Variants in ZDBF2 observed in about 807,000 individuals in gnomAD.
ZDBF2 encodes the protein zinc finger DBF-type containing 2.
In ZDBF2, 6 loss-of-function variants were observed where a neutral mutation model predicts 9.4. The observed-to-expected ratio is 0.64, with a 90% CI of 0.35 to 1.27. ZDBF2 has a LOEUF of 1.27. ZDBF2 is among the 50% of genes most tolerant of loss of function. ZDBF2 has a pLI of 0.03. For missense variants in ZDBF2, 2,697 were observed against 2,766.8 expected (o/e 0.97, Z 0.57); for synonymous variants, 905 against 946.3 (o/e 0.96, Z 0.80).
intron 3 of ZDBF2, among the ~76,000 whole-genome samples, chr2:206,294,797 G>A (rs1692081753): frequency 6.6e-6 from 1 of 152,156 alleles, no homozygotes; most frequent in South Asian, 2.1e-4. Context: ...GCCTCCAGCT[G>A]TATCCATGTT....
In ZDBF2 at chr2:206,305,443, A is replaced by C; in HGVS notation, c.915A>C (p.Lys305Asn). ...CCTTAAGAGTTAAATCTCCTTCCAA[A>C]TTAGCAGTAAACCCGAATAAAACTG... ...KGSLRVKSPS[K>N]LAVNPNKTDM... The change falls in exon 5 of 5, where the codon AAA (lysine) becomes AAC (asparagine). Residue 305 changes from lysine (K) to asparagine (N), a missense_variant. By Grantham distance (94) the Lys-to-Asn change is moderately conservative. This residue lies in a region of ZDBF2 where 910 missense variants were observed against 973.6 expected (regional missense o/e 0.93). Coordinates refer to ENST00000374423, the MANE Select transcript of ZDBF2 (RefSeq NM_020923.3). The C allele has an allele frequency of 6.2e-7, 1 of 1,613,302 alleles. No homozygotes were observed. Among genetic ancestry groups the C allele is most frequent in the Non-Finnish European group, 8.5e-7 (1 of 1,179,720 alleles).
At chr2:206,299,835 C>T (rs1027138998) in intron 4 of ZDBF2, among the ~76,000 whole-genome samples, 1 of 151,328 alleles carries the variant, frequency 6.6e-6, no homozygotes, top group Non-Finnish European at 1.5e-5. Flanking sequence ...AAGCTGGACG[C>T]AGTGGCTCAC....
rs1693292565 is a variant in ZDBF2 at position 206,313,833 on chromosome 2, A to C, written c.*2240A>C. The stretch of plus-strand genomic sequence containing the variant: ...TTTATATTACCAGACATAAAAGTAC[A>C]GTGCAGTACTGATGATTTTGTTTAA... On this transcript the variant is annotated 3_prime_UTR_variant, in exon 5 of 5. Transcript: ENST00000374423. The C allele has an allele frequency of 6.6e-6, 1 of 152,172 alleles. No individual in the cohort carries two copies. Among genetic ancestry groups the C allele is most frequent in the South Asian group, 2.1e-4 (1 of 4,824 alleles). 9.4% of individuals were successfully genotyped at this position (152,172 alleles called of 1,614,324 possible). A position where few individuals can be genotyped will look rare whatever the true frequency, so the allele number is the denominator to read the frequency against.
intron 3 of ZDBF2, 117 bp from the exon 4 acceptor site, chr2:206,297,129 A>C: frequency 1.9e-6 from 1 of 514,050 alleles, no homozygotes; most frequent in Non-Finnish European, 3.4e-6. Context: ...GAATTGCTTT[A>C]TAGAAAAGCT....
chr2:206,276,755 T>G (rs1691027426), intron 1 of ZDBF2, among the ~76,000 whole-genome samples: 1 of 152,218 alleles, frequency 6.6e-6, no homozygotes, highest in Non-Finnish European at 1.5e-5. Flanking sequence ...AGCTGTTTGT[T>G]ATTTAGATGA....
rs936399715 is a variant in ZDBF2, at chr2:206,309,004, A to T, written c.4476A>T (p.Gln1492His). Residue 1492 changes from glutamine to histidine, a missense_variant, in exon 5 of 5, where the codon CAA becomes CAT. By Grantham distance (24) the Gln-to-His change is conservative. This residue lies in a region of ZDBF2 where 1,783 missense variants were observed against 1,776.5 expected (regional missense o/e 1.00). Transcript: ENST00000374423. Reference protein sequence around the residue: ...EHVVMEEKTDQPSDSEMMYDS... With the variant: ...EHVVMEEKTDHPSDSEMMYDS... Reference sequence around the variant, plus strand: ...TTGTCATGGAAGAAAAGACCGATCAACCTAGTGATTCAGAAATGATGTATG... The same window carrying T: ...TTGTCATGGAAGAAAAGACCGATCATCCTAGTGATTCAGAAATGATGTATG... The T allele has an allele frequency of 4.3e-6, 7 of 1,613,888 alleles. No individual in the cohort carries two copies. The highest frequency in any genetic ancestry group is 5.9e-6 in the Non-Finnish European group (7 of 1,179,856).
At position 206,308,327 on chromosome 2, in the gene ZDBF2, T is replaced by G; in HGVS notation, c.3799T>G (p.Trp1267Gly). Residue 1267 changes from tryptophan to glycine, a missense_variant, in exon 5 of 5, where the codon TGG (tryptophan) becomes GGG (glycine). Around this residue, in one of 3 missense-constraint regions of ZDBF2, gnomAD observed 1,783 missense variants for 1,776.5 expected, o/e 1.00. Coordinates refer to ENST00000374423, the MANE Select transcript of ZDBF2 (RefSeq NM_020923.3). ...AGAAGTAGTTAAGGAGGTCAGTCTT[T>G]GGAAAGAGCATGTTGACTTGGAAAA... ...PEEVVKEVSL[W>G]KEHVDLENKI... is the part of the protein sequence containing the mutation. The G allele has an allele frequency of 6.2e-7, 1 of 1,613,580 alleles. No homozygotes were observed. Among genetic ancestry groups the G allele is most frequent in the Non-Finnish European group, 8.5e-7 (1 of 1,179,766 alleles).
chr2:206,288,551 GT>G (rs1161101996), intron 3 of ZDBF2, among the ~76,000 whole-genome samples: 1 of 152,210 alleles, frequency 6.6e-6, no homozygotes, highest in Admixed American at 6.5e-5. Flanking sequence ...CTGTGTTCCG[GT>G]TGCAGGTGCT....
chr2:206,307,985 A>T lies in ZDBF2; in HGVS notation c.3457A>T (p.Ser1153Cys). Residue 1153 changes from serine to cysteine, a missense_variant, in exon 5 of 5, where the codon AGC becomes TGC. This residue lies in a region of ZDBF2 where 1,783 missense variants were observed against 1,776.5 expected (regional missense o/e 1.00). Coordinates refer to ENST00000374423, the MANE Select transcript of ZDBF2 (RefSeq NM_020923.3). Reference sequence around the variant, plus strand: ...CCATATGTACTTGGAAGTTAAGAACAGCCAATATAGTTGTTCAGAAATGAA... The same window carrying T: ...CCATATGTACTTGGAAGTTAAGAACTGCCAATATAGTTGTTCAGAAATGAA... ...ENHMYLEVKNSQYSCSEMNLD... is the reference protein window; with the variant it reads ...ENHMYLEVKNCQYSCSEMNLD... The T allele has an allele frequency of 6.2e-7, 1 of 1,613,784 alleles. No individual in the cohort carries two copies. The highest frequency in any genetic ancestry group is 8.5e-7 in the Non-Finnish European group (1 of 1,179,802).
rs1289226805 is a variant in ZDBF2 at position 206,307,365 on chromosome 2, T to C, written c.2837T>C (p.Met946Thr). The C allele has an allele frequency of 2.5e-6, 4 of 1,613,338 alleles. No individual in the cohort carries two copies. Among genetic ancestry groups the C allele is most frequent in the South Asian group, 1.1e-5 (1 of 90,850 alleles). ...KEISLHTKEH[M>T]YLENKSVFET... is the part of the protein sequence containing the mutation. Reference sequence around the variant, plus strand: ...ATAAGCCTTCACACAAAAGAGCACATGTACTTAGAAAATAAGAGTGTTTTT... The same window carrying C: ...ATAAGCCTTCACACAAAAGAGCACACGTACTTAGAAAATAAGAGTGTTTTT... Residue 946 changes from methionine (M) to threonine (T), a missense_variant, in exon 5 of 5, where the codon ATG becomes ACG. Physicochemically the swap from Met to Thr is moderately conservative, Grantham distance 81 (BLOSUM62 -1). Around this residue, in one of 3 missense-constraint regions of ZDBF2, gnomAD observed 1,783 missense variants for 1,776.5 expected, o/e 1.00. Coordinates refer to ENST00000374423, the MANE Select transcript of ZDBF2 (RefSeq NM_020923.3).
Position 206,297,409 on chromosome 2 carries a change from T to A in ZDBF2, c.188+36T>A, listed in dbSNP as rs1255146355. The A allele has an allele frequency of 2.5e-6, 4 of 1,574,010 alleles. No homozygotes were observed. In the Admixed American group the frequency reaches 7.1e-5, roughly 28 times the overall value. ...TGATTGGAATAATATTTATACGTAGTTATATGTTACAGTAGGTGTTTGTGT... is the reference window on the plus strand; with the variant it reads ...TGATTGGAATAATATTTATACGTAGATATATGTTACAGTAGGTGTTTGTGT... On this transcript the variant is annotated intron_variant, in intron 4 of 4. Transcript: ENST00000374423.
rs745977464 is a variant in ZDBF2 at position 206,305,147 on chromosome 2, T to G, written c.619T>G (p.Leu207Val). ...DRPVTANTTSLPPAAHLDSVS... is the reference protein window; with the variant it reads ...DRPVTANTTSVPPAAHLDSVS... ...ACCAGTTACAGCTAATACAACTAGTTTACCACCAGCAGCTCATTTGGATTC... is the reference window on the plus strand; with the variant it reads ...ACCAGTTACAGCTAATACAACTAGTGTACCACCAGCAGCTCATTTGGATTC... The change falls in exon 5 of 5, where the codon TTA becomes GTA. Residue 207 changes from leucine (L) to valine (V), a missense_variant. Transcript: ENST00000374423. The G allele has an allele frequency of 1.9e-5, 30 of 1,613,800 alleles. No homozygotes were observed. Among genetic ancestry groups the G allele is most frequent in the Non-Finnish European group, 2.5e-5 (30 of 1,179,818 alleles).
Position 206,310,151 on chromosome 2 carries a change from AAG to A in ZDBF2, c.5624_5625del (p.Lys1875SerfsTer5). ...TKKVSSKGKK[K>X]VTWADLQGKE... ...AAAAGTTTCTTCGAAGGGGAAAAAAAAGGTTACCTGGGCTGACTTGCAAGGTA... is the reference window on the plus strand; with the variant it reads ...AAAAGTTTCTTCGAAGGGGAAAAAAAGTTACCTGGGCTGACTTGCAAGGTA... On this transcript the variant is annotated frameshift_variant, in exon 5 of 5. Coordinates refer to ENST00000374423, the MANE Select transcript of ZDBF2 (RefSeq NM_020923.3). LOFTEE classifies it low-confidence loss of function (END_TRUNC). The A allele has an allele frequency of 6.2e-7, 1 of 1,613,390 alleles. No homozygotes were observed.
At position 206,308,205 on chromosome 2, in the gene ZDBF2, A is replaced by T. The variant is rs778761720; in HGVS notation, c.3677A>T (p.Asp1226Val). Residue 1226 changes from aspartate (D) to valine (V), a missense_variant, in exon 5 of 5, where the codon GAT (aspartate) becomes GTT (valine). This residue lies in a region of ZDBF2 where 1,783 missense variants were observed against 1,776.5 expected (regional missense o/e 1.00). Transcript: ENST00000374423. ...GTTAAAGAAATAAGCCTTTGGAAGG[A>T]TGAAGAAGTTGACACGGAAGATAGG... ...ETVKEISLWK[D>V]EEVDTEDRRN... 1.2e-6 allele frequency: 2 copies of T among 1,613,924 alleles called. No individual in the cohort carries two copies. Among genetic ancestry groups the T allele is most frequent in the South Asian group, 1.1e-5 (1 of 91,058 alleles).
Position 206,290,315 on chromosome 2 carries a change from A to G in ZDBF2, c.61-6931A>G, listed in dbSNP as rs1691822286. ...CCTCCAACTTTGTTCCTCTTTTTCA[A>G]GATTGTTTTGGCTATTCTTGGTTCC... On this transcript the variant is annotated intron_variant, in intron 3 of 4. Coordinates refer to ENST00000374423, the MANE Select transcript of ZDBF2 (RefSeq NM_020923.3). Among the ~76,000 whole-genome samples, 3 of 152,138 alleles carry G rather than the reference A, an allele frequency of 2.0e-5. No homozygotes were observed. The South Asian group carries it at 6.2e-4, about 32-fold the overall frequency.
chr2:206,299,165 G>A (rs1692363180), intron 4 of ZDBF2, among the ~76,000 whole-genome samples: 1 of 152,128 alleles, frequency 6.6e-6, no homozygotes, highest in Non-Finnish European at 1.5e-5. Flanking sequence ...ACAGGCGTGA[G>A]CCAACACGCC....
chr2:206,286,320 A>T (rs1691597607), intron 3 of ZDBF2, among the ~76,000 whole-genome samples: 2 of 152,170 alleles, frequency 1.3e-5, no homozygotes, highest in Admixed American at 6.5e-5. Flanking sequence ...CAGCCAGTCT[A>T]ATAGTATTTG....
intron 4 of ZDBF2, among the ~76,000 whole-genome samples, chr2:206,303,535 C>G (rs535977278): frequency 1.2e-4 from 18 of 152,194 alleles, no homozygotes; most frequent in African/African-American, 4.3e-4. Context: ...AACATGTTGT[C>G]TTGATACTGG....
In ZDBF2 at chr2:206,310,597, A is replaced by G. The variant is rs377505356; in HGVS notation, c.6069A>G (p.Glu2023=). 6.2e-7 allele frequency: 1 copy of G among 1,610,798 alleles called. No individual in the cohort carries two copies. Among genetic ancestry groups the G allele is most frequent in the Non-Finnish European group, 8.5e-7 (1 of 1,178,200 alleles). The change falls in exon 5 of 5, where the codon GAA becomes GAG. Residue 2023 remains glutamate (E), a synonymous_variant. Coordinates refer to ENST00000374423, the MANE Select transcript of ZDBF2 (RefSeq NM_020923.3). ...SSLNIKLKEG[E]GLPFPKMRHH... ...TAAATATTAAACTGAAAGAGGGTGA[A>G]GGCCTTCCTTTCCCTAAAATGAGGC...
Sources: gnomAD v4.1 joint callset for allele counts (sites outside exome capture counted in the v4.1 genomes callset) on GRCh38, gnomAD v4.1.1 for gene constraint, gnomAD v4.1.1 regional missense constraint, MANE v1.5 for transcripts, NCBI Gene and HGNC (gene_info 2026-07-23, HGNC 2026-07-21) for gene names.